The following CSMD1 variants were observed in gnomAD, a reference collection of about 807,000 sequenced individuals.
CSMD1 encodes the protein CUB and sushi domain-containing protein 1.
Under a neutral mutation model 417.5 loss-of-function variants are expected in CSMD1, and 213 were observed. The observed-to-expected ratio is 0.51, with a 90% CI of 0.46 to 0.57. CSMD1 has a LOEUF of 0.57. Ranked by LOEUF, CSMD1 falls within the 20% of genes least tolerant of loss-of-function variation. The probability of loss-of-function intolerance (pLI) is 0.00; values close to 1 mark genes in which losing one functional copy is unlikely to be tolerated. For synonymous variants in CSMD1, 2,862 were observed against 1,736.8 expected (o/e 1.65, Z -16.11); for missense variants, 6,923 against 4,529.7 (o/e 1.53, Z -15.17).
intron 3 of CSMD1, among the ~76,000 whole-genome samples, chr8:4,197,967 C>G (rs1171427821): frequency 6.6e-6 from 1 of 152,182 alleles, no homozygotes; most frequent in Non-Finnish European, 1.5e-5. Flanking sequence ...ATTGGCTTGA[C>G]TCTGGGAATA....
intron 7 of CSMD1, among the ~76,000 whole-genome samples, chr8:3,692,987 T>A (rs1258670693): frequency 6.6e-6 from 1 of 152,162 alleles, no homozygotes; most frequent in Non-Finnish European, 1.5e-5. Context: ...GACTTCTTTA[T>A]CATCAAAAGT....
At position 3,929,872 on chromosome 8, in the gene CSMD1, C is replaced by T. The variant is rs895863173; in HGVS notation, c.818+68031G>A. ...AGACGCGGTTTCACCATATTGGTCCCGCTCATCTCCAACCCCTGACCTCAG... is the reference window on the plus strand; with the variant it reads ...AGACGCGGTTTCACCATATTGGTCCTGCTCATCTCCAACCCCTGACCTCAG... On this transcript the variant is annotated intron_variant, in intron 5 of 69. Coordinates refer to ENST00000635120, the MANE Select transcript of CSMD1 (RefSeq NM_033225.6). Among the ~76,000 whole-genome samples, 9 of 149,874 alleles carry T rather than the reference C, an allele frequency of 6.0e-5. 1 individual carries two copies. The highest frequency in any genetic ancestry group is 2.0e-4 in the Admixed American group (3 of 15,068).
intron 2 of CSMD1, among the ~76,000 whole-genome samples, chr8:4,606,212 G>T (rs535971867): frequency 2.6e-5 from 4 of 152,286 alleles, no homozygotes; most frequent in South Asian, 2.1e-4. Context: ...CGCCTTGCAG[G>T]TCTAAGAGTT....
chr8:3,250,090 G>A (rs748512272), intron 26 of CSMD1, among the ~76,000 whole-genome samples: 1 of 152,134 alleles, frequency 6.6e-6, no homozygotes, highest in Non-Finnish European at 1.5e-5. Flanking sequence ...TTTGTTTTAG[G>A]GTACATGTGC....
At chr8:4,064,373 T>C (rs1034386389) in intron 3 of CSMD1, among the ~76,000 whole-genome samples, 2 of 152,226 alleles carry the variant, frequency 1.3e-5, no homozygotes, top group African/African-American at 4.8e-5. Flanking sequence ...TTTAGGGTTT[T>C]CTGCAGTTGT....
chr8:3,712,655 T>A (rs1200948769), intron 6 of CSMD1, among the ~76,000 whole-genome samples: 3 of 152,192 alleles, frequency 2.0e-5, no homozygotes, highest in Admixed American at 2.0e-4. Flanking sequence ...TCTTCGGAGG[T>A]GAGCTTGGTT....
chr8:3,281,792 T>G (rs1802761156), intron 26 of CSMD1, among the ~76,000 whole-genome samples: 1 of 152,140 alleles, frequency 6.6e-6, no homozygotes, highest in East Asian at 1.9e-4. Context: ...TGGATCTGCG[T>G]CCCCACCCAT....
At chr8:4,497,943 C>T (rs1324792176) in intron 2 of CSMD1, among the ~76,000 whole-genome samples, 1 of 152,096 alleles carries the variant, frequency 6.6e-6, no homozygotes, top group East Asian at 1.9e-4. Context: ...CTGCAACTGC[C>T]CGTGGGGTTT....
At chr8:4,723,959 T>C (rs1809245577) in intron 1 of CSMD1, among the ~76,000 whole-genome samples, 1 of 152,032 alleles carries the variant, frequency 6.6e-6, no homozygotes, top group African/African-American at 2.4e-5. Context: ...GATAAGTGCA[T>C]CCAATCTCGG....
rs574393420 is a variant in CSMD1, at chr8:3,199,697, T to C, written c.5194+17A>G. 12 of 1,546,856 alleles carry C rather than the reference T, an allele frequency of 7.8e-6. 1 individual carries two copies. In the South Asian group the frequency reaches 8.3e-5, roughly 11 times the overall value. On this transcript the variant is annotated intron_variant, in intron 33 of 69. Coordinates refer to ENST00000635120, the MANE Select transcript of CSMD1 (RefSeq NM_033225.6). ...AAGACCACAGTGACATGTGGAGACA[T>C]GTGGAGTGACGCTTACCTTGATACA...
At chr8:3,963,571 A>T in intron 5 of CSMD1, among the ~76,000 whole-genome samples, 1 of 152,222 alleles carries the variant, frequency 6.6e-6, no homozygotes, top group East Asian at 1.9e-4. Context: ...TAAAAATATT[A>T]AAATCTACTA....
rs997693440 is a variant in CSMD1, at chr8:3,519,551, C to T, written c.1345-25825G>A. On this transcript the variant is annotated intron_variant, in intron 10 of 69. Transcript: ENST00000635120. Reference sequence around the variant, plus strand: ...TCAGAAAGCTCATTTTGACCTTCCCCGCCATGAGGACCAATGAGTACCTTG... The same window carrying T: ...TCAGAAAGCTCATTTTGACCTTCCCTGCCATGAGGACCAATGAGTACCTTG... Among the ~76,000 whole-genome samples, 18 of 152,172 alleles carry T rather than the reference C, an allele frequency of 1.2e-4. No individual in the cohort carries two copies. The South Asian group carries it at 2.5e-3, about 21-fold the overall frequency.
At chr8:4,677,601 A>G (rs1345053917) in intron 1 of CSMD1, among the ~76,000 whole-genome samples, 2 of 152,186 alleles carry the variant, frequency 1.3e-5, no homozygotes, top group African/African-American at 4.8e-5. Flanking sequence ...TTTTCTTTAT[A>G]GCATTTATCA....
intron 6 of CSMD1, among the ~76,000 whole-genome samples, chr8:3,716,632 G>A (rs1338018315): frequency 1.3e-5 from 2 of 152,244 alleles, no homozygotes; most frequent in Non-Finnish European, 2.9e-5. Context: ...TATGGCCTGT[G>A]TCTTGTGCTA....
chr8:3,815,321 T>A (rs1801311190), intron 5 of CSMD1, among the ~76,000 whole-genome samples: 1 of 152,208 alleles, frequency 6.6e-6, no homozygotes, highest in South Asian at 2.1e-4. Flanking sequence ...AGTTCACTTC[T>A]GAACAAATCA....
chr8:3,712,640 C>T (rs541765945), intron 6 of CSMD1, among the ~76,000 whole-genome samples: 11 of 152,284 alleles, frequency 7.2e-5, no homozygotes, highest in African/African-American at 2.6e-4. Flanking sequence ...CCTGCTAAGT[C>T]ACAATCTTCG....
rs144125258 is a variant in CSMD1 at position 4,458,889 on chromosome 8, C to G, written c.303-38824G>C. 2.4e-3 allele frequency among the ~76,000 whole-genome samples: 362 copies of G among 152,266 alleles called. 3 individuals are homozygous for G. In the East Asian group the frequency reaches 0.035, roughly 15 times the overall value. ...TACTCATTCCACAGTGAAACAAGCA[C>G]AATGGGTGGAGAATGTATTAAAAAT... On this transcript the variant is annotated intron_variant, in intron 2 of 69. Coordinates refer to ENST00000635120, the MANE Select transcript of CSMD1 (RefSeq NM_033225.6).
At chr8:3,062,827 T>A (rs183620301) in intron 49 of CSMD1, among the ~76,000 whole-genome samples, 5 of 152,274 alleles carry the variant, frequency 3.3e-5, no homozygotes, top group Admixed American at 1.3e-4. Flanking sequence ...AGGGGTAAAT[T>A]GGCTGCTCAG....
chr8:4,193,024 T>C (rs1053442403), intron 3 of CSMD1, among the ~76,000 whole-genome samples: 2 of 152,232 alleles, frequency 1.3e-5, no homozygotes, highest in African/African-American at 4.8e-5. Context: ...GGAACTGATC[T>C]TGGAATATCT....
Sources: gnomAD v4.1 joint callset for allele counts (sites outside exome capture counted in the v4.1 genomes callset) on GRCh38, gnomAD v4.1.1 for gene constraint, MANE v1.5 for transcripts, NCBI Gene and HGNC (gene_info 2026-07-23, HGNC 2026-07-21) for gene names.